The following YWHAE variants were observed in gnomAD, a reference collection of about 807,000 sequenced individuals.
The protein encoded by YWHAE is tyrosine 3-monooxygenase/tryptophan 5-monooxygenase activation protein epsilon.
YWHAE carries 4 observed loss-of-function variants against 30.1 expected under a neutral mutation model. The observed-to-expected ratio is 0.13, with a 90% confidence interval of 0.07 to 0.30. The LOEUF (loss-of-function observed/expected upper bound fraction) is 0.30. YWHAE is among the 10% of genes least tolerant of loss of function. The pLI is 1.00. For synonymous variants in YWHAE, 118 were observed against 111.8 expected, an observed-to-expected ratio of 1.06 and a Z score of -0.35; for missense variants, 121 against 315.9, an observed-to-expected ratio of 0.38 and a Z score of 4.68.
In YWHAE at chr17:1,353,591, C is replaced by T. The variant is rs567531342; in HGVS notation, c.715+620G>A. On this transcript the variant is annotated intron_variant, in intron 5 of 5. Coordinates refer to ENST00000264335, the MANE Select transcript of YWHAE (RefSeq NM_006761.5). ...CAGCCTGACCAACATGGAGAAATCC[C>T]GTCTCTACTAAAAATACAAAAACTA... is the stretch of plus-strand genomic sequence containing the variant. 2.9e-3 allele frequency among the ~76,000 whole-genome samples: 447 copies of T among 152,024 alleles called. 5 individuals are homozygous for T. The highest frequency in any genetic ancestry group is 9.6e-4 in the East Asian group (5 of 5,184).
intron 5 of YWHAE, among the ~76,000 whole-genome samples, chr17:1,346,715 G>T (rs981284051): frequency 2.6e-5 from 4 of 152,166 alleles, no homozygotes; most frequent in African/African-American, 9.7e-5. Flanking sequence ...CGCCGGGCAC[G>T]GTGGCTCACG....
intron 4 of YWHAE, among the ~76,000 whole-genome samples, chr17:1,358,561 C>T (rs1324242182): frequency 6.7e-6 from 1 of 148,772 alleles, no homozygotes; most frequent in African/African-American, 2.5e-5. Context: ...AAAAATTGGC[C>T]GGGCGCAGTG....
At chr17:1,381,744 T>C (rs1303439693) in intron 1 of YWHAE, among the ~76,000 whole-genome samples, 2 of 151,448 alleles carry the variant, frequency 1.3e-5, no homozygotes, top group Admixed American at 6.6e-5. Flanking sequence ...GGCGAAACCC[T>C]GTCTCTACAA....
Position 1,388,109 on chromosome 17 carries a change from TTTTGGTTG to T in YWHAE, c.64+11930_64+11937del, listed in dbSNP as rs1191037159. Among the ~76,000 whole-genome samples, 7 of 46,802 alleles carry T rather than the reference TTTTGGTTG, an allele frequency of 1.5e-4. 1 individual carries two copies. The highest frequency in any genetic ancestry group is 9.0e-4 in the African/African-American group (7 of 7,802). The allele number at this position is 46,802 out of a possible 152,430, so 30.7% of individuals were successfully genotyped here. Reference sequence around the variant, plus strand: ...ACGCCTGGGTAATTTTTGTTTTTTTTTTTGGTTGGTTTTTTTTTTTTTTTTTTTTTTTT... The same window carrying T: ...ACGCCTGGGTAATTTTTGTTTTTTTTGTTTTTTTTTTTTTTTTTTTTTTTT... On this transcript the variant is annotated intron_variant, in intron 1 of 5. Coordinates refer to ENST00000264335, the MANE Select transcript of YWHAE (RefSeq NM_006761.5).
At chr17:1,354,488 TA>T (rs1336021336) in intron 4 of YWHAE, 141 bp from the exon 5 acceptor site, 4 of 856,512 alleles carry the variant, frequency 4.7e-6, no homozygotes, top group African/African-American at 1.7e-5. Flanking sequence ...GCAAATACAA[TA>T]AAAATTAACT....
At chr17:1,348,468 C>T (rs866957556) in intron 5 of YWHAE, among the ~76,000 whole-genome samples, 2 of 152,152 alleles carry the variant, frequency 1.3e-5, no homozygotes, top group Admixed American at 1.3e-4. Context: ...GACATAAATA[C>T]CGTCTCTTTA....
chr17:1,387,585 T>C (rs912875279), intron 1 of YWHAE, among the ~76,000 whole-genome samples: 29 of 152,174 alleles, frequency 1.9e-4, no homozygotes, highest in African/African-American at 7.0e-4. Flanking sequence ...TTTGACATGT[T>C]TTCTCAAGTG....
intron 1 of YWHAE, among the ~76,000 whole-genome samples, chr17:1,388,160 A>C (rs1598269021): frequency 9.9e-6 from 1 of 101,028 alleles, no homozygotes; most frequent in Admixed American, 1.5e-4. Context: ...ACGAGGTTTC[A>C]CCCTGTTGGT....
chr17:1,391,813 A>G (rs1449727724), intron 1 of YWHAE, among the ~76,000 whole-genome samples: 2 of 152,150 alleles, frequency 1.3e-5, no homozygotes, highest in Admixed American at 6.6e-5. Flanking sequence ...CCACAAAAAA[A>G]AAGTTTTAAT....
At chr17:1,381,537 G>A (rs975795586) in intron 1 of YWHAE, among the ~76,000 whole-genome samples, 9 of 151,850 alleles carry the variant, frequency 5.9e-5, no homozygotes, top group African/African-American at 1.9e-4. Flanking sequence ...AAAAAAATAA[G>A]TAAATAAAAC....
intron 1 of YWHAE, among the ~76,000 whole-genome samples, chr17:1,388,117 GGTTTTTTT>G (rs2073333439): frequency 3.1e-5 from 2 of 65,110 alleles, no homozygotes; most frequent in African/African-American, 2.3e-4. Context: ...TTTTTTGGTT[GGTTTTTTT>G]TTTTTTTTTT....
chr17:1,371,618 C>G (rs889966827), intron 1 of YWHAE, among the ~76,000 whole-genome samples: 7 of 152,088 alleles, frequency 4.6e-5, no homozygotes, highest in African/African-American at 1.4e-4. Context: ...TTAAATTCAC[C>G]AGCTGCATTA....
chr17:1,397,571 T>G (rs915133550), intron 1 of YWHAE, among the ~76,000 whole-genome samples: 2 of 151,910 alleles, frequency 1.3e-5, no homozygotes, highest in African/African-American at 4.8e-5. Flanking sequence ...AACAGAGAGA[T>G]AAAAGGGCAG....
At chr17:1,370,793 G>A (rs1301410451) in intron 1 of YWHAE, among the ~76,000 whole-genome samples, 1 of 151,916 alleles carries the variant, frequency 6.6e-6, no homozygotes, top group East Asian at 2.0e-4. Flanking sequence ...TCAGGAGATG[G>A]AGACCATCCT....
At chr17:1,383,803 G>A (rs886653806) in intron 1 of YWHAE, among the ~76,000 whole-genome samples, 2 of 152,066 alleles carry the variant, frequency 1.3e-5, no homozygotes, top group Non-Finnish European at 2.9e-5. Flanking sequence ...GAGTATTCCC[G>A]CAATCTCCGC....
intron 5 of YWHAE, 77 bp downstream of exon 5, chr17:1,354,134 G>C: frequency 6.5e-7 from 1 of 1,532,924 alleles, no homozygotes; most frequent in Non-Finnish European, 8.8e-7. Context: ...ATAACGACAA[G>C]CCAAGGAATG....
At chr17:1,377,529 G>C (rs1052957687) in intron 1 of YWHAE, among the ~76,000 whole-genome samples, 1 of 152,096 alleles carries the variant, frequency 6.6e-6, no homozygotes, top group Admixed American at 6.6e-5. Flanking sequence ...CAGGAAGATC[G>C]CTTGAGCCCA....
chr17:1,384,325 G>GT lies in YWHAE; in HGVS notation c.64+15721dup, dbSNP rs528511585. Among the ~76,000 whole-genome samples, 975 of 131,204 alleles carry GT rather than the reference G, an allele frequency of 7.4e-3. 13 individuals are homozygous for GT. Among genetic ancestry groups the GT allele is most frequent in the African/African-American group, 0.019 (639 of 34,232 alleles). The allele number at this position is 131,204 out of a possible 152,430, so 86.1% of individuals were successfully genotyped here. A position where few individuals can be genotyped will look rare whatever the true frequency, so the allele number is the denominator to read the frequency against. On this transcript the variant is annotated intron_variant, in intron 1 of 5. Coordinates refer to ENST00000264335, the MANE Select transcript of YWHAE (RefSeq NM_006761.5). ...CAGGAGGTGAGGGCTGCAGTGAGGT[G>GT]TGTCTGCTACTGCACACCAGCTTGG...
At chr17:1,364,809 C>CA in intron 2 of YWHAE, 50 bp downstream of exon 2, 1 of 1,607,604 alleles carries the variant, frequency 6.2e-7, no homozygotes, top group Non-Finnish European at 8.5e-7. Context: ...TACCGTCCTA[C>CA]AGGTAACTCA....
Sources: gnomAD v4.1 joint callset for allele counts (sites outside exome capture counted in the v4.1 genomes callset) on GRCh38, gnomAD v4.1.1 for gene constraint, MANE v1.5 for transcripts, NCBI Gene and HGNC (gene_info 2026-07-23, HGNC 2026-07-21) for gene names.